Variants in TBC1D15 observed in about 807,000 individuals in gnomAD.
The protein encoded by TBC1D15 is TBC1 domain family member 15.
In TBC1D15, 39 loss-of-function variants were observed where a neutral mutation model predicts 95.4. The ratio of observed to expected loss-of-function variants is 0.41; its 90% CI spans 0.32 to 0.53. The LOEUF (loss-of-function observed/expected upper bound fraction) is 0.53, where lower values mean the gene tolerates loss of function less well. Ranked by LOEUF, TBC1D15 falls within the 20% of genes least tolerant of loss-of-function variation. The pLI is 0.29. For missense variants in TBC1D15, 733 were observed against 794.3 expected (o/e 0.92, Z 0.93); for synonymous variants, 258 against 261.3 (o/e 0.99, Z 0.12).
chr12:71,893,848 TATTC>T (rs762742192), intron 6 of TBC1D15, among the ~76,000 whole-genome samples: 102 of 152,104 alleles, frequency 6.7e-4, no homozygotes, highest in Non-Finnish European at 9.7e-4. Context: ...TGAGATGGTT[TATTC>T]ATTTATTTAT....
intron 10 of TBC1D15, among the ~76,000 whole-genome samples, chr12:71,905,192 C>CT (rs987261793): frequency 4.6e-5 from 7 of 151,660 alleles, no homozygotes; most frequent in Admixed American, 6.6e-5. Flanking sequence ...ATACAAACAA[C>CT]TTTTTTTTAC....
At chr12:71,922,092 G>A (rs1189939793) in intron 16 of TBC1D15, among the ~76,000 whole-genome samples, 2 of 151,904 alleles carry the variant, frequency 1.3e-5, no homozygotes, top group Non-Finnish European at 2.9e-5. Context: ...TCATGACTTT[G>A]CTTTTTTTTT....
At chr12:71,869,277 C>G (rs893448832) in intron 1 of TBC1D15, among the ~76,000 whole-genome samples, 5 of 152,142 alleles carry the variant, frequency 3.3e-5, no homozygotes, top group African/African-American at 1.2e-4. Flanking sequence ...AATCCCAGCA[C>G]TTTGAGAGGC....
intron 1 of TBC1D15, among the ~76,000 whole-genome samples, chr12:71,855,667 CAAAAAAAAAAA>C (rs1161851924): frequency 4.6e-4 from 19 of 41,356 alleles, no homozygotes; most frequent in Non-Finnish European, 5.4e-4. Context: ...GACTCCATCT[CAAAAAAAAAAA>C]AAAAAAAAAA....
At chr12:71,850,709 C>T (rs1887575633) in intron 1 of TBC1D15, among the ~76,000 whole-genome samples, 1 of 152,140 alleles carries the variant, frequency 6.6e-6, no homozygotes, top group South Asian at 2.1e-4. Context: ...ATAGCTGAGG[C>T]CGGGCGCAGT....
intron 5 of TBC1D15, among the ~76,000 whole-genome samples, chr12:71,892,876 G>A (rs895531666): frequency 5.3e-5 from 8 of 151,600 alleles, no homozygotes; most frequent in Non-Finnish European, 8.9e-5. Context: ...TGATAATAAA[G>A]CCAGCTATCT....
Position 71,839,778 on chromosome 12 carries a change from A to G in TBC1D15, c.-4A>G. 3 of 1,614,152 alleles carry G rather than the reference A, an allele frequency of 1.9e-6. No individual in the cohort carries two copies. Among genetic ancestry groups the G allele is most frequent in the Non-Finnish European group, 1.7e-6 (2 of 1,180,022 alleles). ...TACGTCATTACCAGGCACGCGCAGG[A>G]AACATGGCGGCGGCGGGTGTTGTGA... is the stretch of plus-strand genomic sequence containing the variant. On this transcript the variant is annotated 5_prime_UTR_variant, in exon 1 of 17. Coordinates refer to ENST00000485960, the MANE Select transcript of TBC1D15 (RefSeq NM_001146213.3).
chr12:71,878,855 G>T (rs971936208), intron 3 of TBC1D15, among the ~76,000 whole-genome samples: 4 of 151,316 alleles, frequency 2.6e-5, no homozygotes, highest in African/African-American at 9.7e-5. Context: ...AGTCAAACAA[G>T]AAATGACATT....
chr12:71,863,722 T>G (rs1451323321), intron 1 of TBC1D15, among the ~76,000 whole-genome samples: 1 of 152,126 alleles, frequency 6.6e-6, no homozygotes, highest in African/African-American at 2.4e-5. Flanking sequence ...TTGTCACTCT[T>G]TTTTTTCCCC....
At chr12:71,854,249 G>T (rs1888506619) in intron 1 of TBC1D15, among the ~76,000 whole-genome samples, 1 of 152,152 alleles carries the variant, frequency 6.6e-6, no homozygotes, top group South Asian at 2.1e-4. Flanking sequence ...TCACAGATTG[G>T]TCAGTATTTT....
chr12:71,866,348 C>A (rs911704214), intron 1 of TBC1D15, among the ~76,000 whole-genome samples: 1 of 152,218 alleles, frequency 6.6e-6, no homozygotes, highest in African/African-American at 2.4e-5. Flanking sequence ...CTCGAGGCAG[C>A]TCCCTCAGCT....
intron 1 of TBC1D15, among the ~76,000 whole-genome samples, chr12:71,864,126 A>G (rs569684270): frequency 1.1e-4 from 17 of 151,730 alleles, no homozygotes; most frequent in African/African-American, 3.9e-4. Context: ...CTAAAGTGCA[A>G]TGGCACCATC....
chr12:71,854,970 T>C (rs773932003), intron 1 of TBC1D15: 3 of 406,100 alleles, frequency 7.4e-6, no homozygotes, highest in Non-Finnish European at 1.5e-5. Flanking sequence ...TATTAGTCCG[T>C]TATCACACTG....
At chr12:71,887,482 C>G (rs1896461211) in intron 5 of TBC1D15, among the ~76,000 whole-genome samples, 1 of 152,188 alleles carries the variant, frequency 6.6e-6, no homozygotes, top group Admixed American at 6.5e-5. Context: ...TCTCTTAAAA[C>G]TCATCTCATG....
intron 1 of TBC1D15, among the ~76,000 whole-genome samples, chr12:71,840,705 C>T (rs1319177687): frequency 6.6e-6 from 1 of 152,072 alleles, no homozygotes; most frequent in African/African-American, 2.4e-5. Flanking sequence ...TTGCAGATAG[C>T]GTCCTCTGTT....
intron 15 of TBC1D15, 74 bp downstream of exon 15, chr12:71,920,921 C>T: frequency 9.8e-7 from 1 of 1,023,634 alleles, no homozygotes; most frequent in South Asian, 1.5e-5. Flanking sequence ...AGAACGTTTC[C>T]TTGGAACATT....
At chr12:71,916,614 A>G (rs1388969657) in intron 12 of TBC1D15, among the ~76,000 whole-genome samples, 3 of 152,206 alleles carry the variant, frequency 2.0e-5, no homozygotes, top group Non-Finnish European at 4.4e-5. Flanking sequence ...AAAGTGAAAA[A>G]GTAAGTGTGA....
At chr12:71,880,386 A>G (rs1265576423) in intron 3 of TBC1D15, 83 bp from the exon 4 acceptor site, 1 of 1,234,212 alleles carries the variant, frequency 8.1e-7, no homozygotes, top group Non-Finnish European at 1.1e-6. Flanking sequence ...CAGCCTGCCT[A>G]CAAACATTGA....
intron 6 of TBC1D15, 21 bp from the exon 7 acceptor site, chr12:71,894,665 A>G (rs1175539859): frequency 1.1e-5 from 17 of 1,590,810 alleles, no homozygotes; most frequent in Non-Finnish European, 1.5e-5. Flanking sequence ...TAATGCTAAT[A>G]TTTTTCTTCC....
Sources: gnomAD v4.1 joint callset for allele counts (sites outside exome capture counted in the v4.1 genomes callset) on GRCh38, gnomAD v4.1.1 for gene constraint, MANE v1.5 for transcripts, NCBI Gene and HGNC (gene_info 2026-07-23, HGNC 2026-07-21) for gene names.